Variants in ATP7A observed in about 807,000 individuals in gnomAD.
ATP7A encodes copper-transporting ATPase 1.
In ATP7A, 7 loss-of-function variants were observed where a neutral mutation model predicts 83.5. The observed-to-expected ratio is 0.08, with a 90% CI of 0.05 to 0.16. ATP7A has a LOEUF of 0.16. Ranked by LOEUF, ATP7A falls within the 10% of genes least tolerant of loss-of-function variation. The pLI, the probability that ATP7A is intolerant of heterozygous loss-of-function variation, is 1.00. For synonymous variants in ATP7A, 354 were observed against 395.2 expected (o/e 0.90, Z 1.24); for missense variants, 940 against 1,120.8 (o/e 0.84, Z 2.30).
At chrX:77,957,295 A>T (rs1488030999) in intron 1 of ATP7A, among the ~76,000 whole-genome samples, 2 of 110,708 alleles carry the variant, frequency 1.8e-5, no homozygotes, top group Non-Finnish European at 3.8e-5. Flanking sequence ...TTTGTTACAT[A>T]TGTATACATG....
chrX:77,933,675 T>C (rs970818762), intron 1 of ATP7A, among the ~76,000 whole-genome samples: 5 of 112,240 alleles, frequency 4.5e-5, no homozygotes, highest in Admixed American at 9.4e-5. Context: ...ATATTTTAAA[T>C]AATTTTGTGC....
At chrX:77,974,890 T>A (rs1205552183) in intron 2 of ATP7A, 3 of 280,459 alleles carry the variant, frequency 1.1e-5, no homozygotes, top group Admixed American at 6.3e-5. Context: ...TATTTTTTTT[T>A]ATTATACTTT....
At position 77,998,645 on chromosome X, in the gene ATP7A, T is replaced by C. The variant is rs782589583; in HGVS notation, c.1504T>C (p.Cys502Arg). 3 of 1,210,520 alleles carry C rather than the reference T, an allele frequency of 2.5e-6. No homozygotes were observed. In the African/African-American group the frequency reaches 5.2e-5, roughly 21 times the overall value. ...IQVTGMTCAS[C>R]VANIERNLRR... ...GGTCACTGGCATGACTTGCGCTTCC[T>C]GTGTAGCAAACATTGAACGGAATTT... Residue 502 changes from cysteine (C) to arginine (R), a missense_variant, in exon 5 of 23, where the codon TGT (cysteine) becomes CGT (arginine). Around this residue, in one of 3 missense-constraint regions of ATP7A, gnomAD observed 350 missense variants for 432.8 expected, o/e 0.81. Transcript: ENST00000341514.
At position 77,998,515 on chromosome X, in the gene ATP7A, A is replaced by G. The variant is rs2077718812; in HGVS notation, c.1374A>G (p.Ser458=). 12 of 1,211,985 alleles carry G rather than the reference A, an allele frequency of 9.9e-6. No homozygotes were observed. The highest frequency in any genetic ancestry group is 1.3e-5 in the Non-Finnish European group (12 of 895,559). ...CGTTGGTAGTAATAGCTCAGCCTTC[A>G]TCGGAAATGCCGCTTTTGACTTCAA... is the stretch of plus-strand genomic sequence containing the variant. ...NEPLVVIAQP[S]SEMPLLTSTN... is the part of the protein sequence containing the mutation. The change falls in exon 5 of 23, where the codon TCA becomes TCG. Residue 458 remains serine (S), a synonymous_variant. Transcript: ENST00000341514.
At chrX:77,931,009 C>CTTTTTTTTTTTTTTTTTTTTTTTTTCCCT (rs11379657) in intron 1 of ATP7A, among the ~76,000 whole-genome samples, 1 of 67,265 alleles carries the variant, frequency 1.5e-5, no homozygotes, top group Non-Finnish European at 2.6e-5. Flanking sequence ...TTTTTTTTAC[C>CTTTTTTTTTTTTTTTTTTTTTTTTTCCCT]TTTTTTTTTA....
chrX:77,948,691 G>A (rs2077397523), intron 1 of ATP7A, among the ~76,000 whole-genome samples: 1 of 110,923 alleles, frequency 9.0e-6, no homozygotes, highest in African/African-American at 3.3e-5. Flanking sequence ...GAACAAAGTG[G>A]ACGTCGGTAG....
chrX:78,041,532 C>G (rs2078048852), intron 19 of ATP7A, among the ~76,000 whole-genome samples: 1 of 110,048 alleles, frequency 9.1e-6, no homozygotes, highest in Non-Finnish European at 1.9e-5. Context: ...GCCTCGGCCT[C>G]CCAAAGTGCT....
chrX:78,040,208 CCCT>C, intron 18 of ATP7A, among the ~76,000 whole-genome samples: 1 of 102,370 alleles, frequency 9.8e-6, no homozygotes, highest in South Asian at 5.0e-4. Context: ...TGCCCCCCCC[CCCT>C]TACCTTAAAA....
At chrX:77,939,781 A>G (rs1557225449) in intron 1 of ATP7A, among the ~76,000 whole-genome samples, 1 of 110,454 alleles carries the variant, frequency 9.1e-6, no homozygotes, top group East Asian at 2.8e-4. Context: ...TATATCACAT[A>G]TACACCAACA....
At chrX:78,004,233 C>T (rs1603383955) in intron 6 of ATP7A, among the ~76,000 whole-genome samples, 1 of 104,475 alleles carries the variant, frequency 9.6e-6, no homozygotes, top group South Asian at 4.0e-4. Flanking sequence ...TGTATGTGTA[C>T]TTACATATGT....
intron 1 of ATP7A, among the ~76,000 whole-genome samples, chrX:77,942,345 G>T (rs2077355577): frequency 9.0e-6 from 1 of 111,370 alleles, no homozygotes; most frequent in African/African-American, 3.3e-5. Context: ...TGGAGTAGAA[G>T]ATTTAATTCA....
At chrX:78,020,685 T>C (rs1569550050) in intron 13 of ATP7A, among the ~76,000 whole-genome samples, 1 of 110,136 alleles carries the variant, frequency 9.1e-6, no homozygotes, top group Admixed American at 9.7e-5. Context: ...CCCAGCTAAT[T>C]AAAAAAATTT....
At chrX:78,017,881 T>G (rs1456063227) in intron 12 of ATP7A, among the ~76,000 whole-genome samples, 1 of 100,541 alleles carries the variant, frequency 9.9e-6, no homozygotes, top group African/African-American at 3.6e-5. Flanking sequence ...GTTCACCCCA[T>G]TCTCCTGCCT....
chrX:77,936,554 C>G (rs1183109906), intron 1 of ATP7A, among the ~76,000 whole-genome samples: 1 of 111,856 alleles, frequency 8.9e-6, no homozygotes, highest in African/African-American at 3.3e-5. Flanking sequence ...AACTCTATAC[C>G]CATTAAACAA....
chrX:78,015,957 C>T, intron 12 of ATP7A, 76 bp downstream of exon 12: 1 of 1,037,222 alleles, frequency 9.6e-7, no homozygotes, highest in East Asian at 3.0e-5. Context: ...TTTGTAGAAG[C>T]TATGAATAAC....
At chrX:77,995,618 T>C (rs2077698944) in intron 4 of ATP7A, among the ~76,000 whole-genome samples, 1 of 109,805 alleles carries the variant, frequency 9.1e-6, no homozygotes, top group African/African-American at 3.3e-5. Flanking sequence ...GAGATGCCTT[T>C]TATCCTGACT....
chrX:78,039,706 A>C (rs1178152723), intron 18 of ATP7A, among the ~76,000 whole-genome samples: 1 of 112,482 alleles, frequency 8.9e-6, no homozygotes, highest in Non-Finnish European at 1.9e-5. Context: ...GCAGAATTAC[A>C]GTATTAGTAC....
chrX:77,915,891 A>G lies in ATP7A; in HGVS notation c.-22+5056A>G, dbSNP rs192898666. On this transcript the variant is annotated intron_variant, in intron 1 of 22. Transcript: ENST00000341514. Reference sequence around the variant, plus strand: ...GTGTGCCACCACACCCGGCTAATTTATTTATTTTTAGTAGAGATGGGGTTT... The same window carrying G: ...GTGTGCCACCACACCCGGCTAATTTGTTTATTTTTAGTAGAGATGGGGTTT... Among the ~76,000 whole-genome samples the G allele has an allele frequency of 3.3e-4, 37 of 111,094 alleles. No individual in the cohort carries two copies. The East Asian group carries it at 9.8e-3, about 30-fold the overall frequency.
chrX:77,968,408 C>T (rs781991422), intron 1 of ATP7A, among the ~76,000 whole-genome samples: 1 of 112,390 alleles, frequency 8.9e-6, no homozygotes, highest in South Asian at 3.7e-4. Context: ...GTTGTCACAT[C>T]ACCATGCAGA....
Sources: allele counts gnomAD v4.1 joint callset (sites outside exome capture counted in the v4.1 genomes callset), GRCh38; gene constraint gnomAD v4.1.1; regional missense constraint gnomAD v4.1.1; transcripts MANE v1.5; gene names NCBI Gene and HGNC (gene_info 2026-07-23, HGNC 2026-07-21).